Variants in PTPRN2 observed in about 807,000 individuals in gnomAD.
The protein encoded by PTPRN2 is receptor-type tyrosine-protein phosphatase N2.
In PTPRN2, 74 loss-of-function variants were observed where a neutral mutation model predicts 118.8. That is an observed-to-expected ratio of 0.62 (90% CI 0.52 to 0.76). PTPRN2 has a LOEUF of 0.76. PTPRN2 is among the 30% of genes least tolerant of loss of function. The probability of loss-of-function intolerance (pLI) is 0.00; values close to 1 mark genes in which losing one functional copy is unlikely to be tolerated. For missense variants in PTPRN2, 1,481 were observed against 1,394.4 expected (o/e 1.06, Z -0.99); for synonymous variants, 641 against 608.0 (o/e 1.05, Z -0.80).
At chr7:157,890,075 T>A (rs1009623451) in intron 12 of PTPRN2, among the ~76,000 whole-genome samples, 36 of 149,862 alleles carry the variant, frequency 2.4e-4, no homozygotes, top group Non-Finnish European at 4.9e-4. Context: ...TTAAGTCAGT[T>A]TTTTTTTTTT....
chr7:157,908,132 C>T (rs543889598), intron 11 of PTPRN2, among the ~76,000 whole-genome samples: 62 of 152,232 alleles, frequency 4.1e-4, no homozygotes, highest in Non-Finnish European at 2.1e-4. Context: ...TGGCCAGGTG[C>T]GTCCAGCATC....
intron 2 of PTPRN2, among the ~76,000 whole-genome samples, chr7:158,317,748 G>A (rs1390830913): frequency 1.3e-5 from 2 of 152,170 alleles, no homozygotes; most frequent in African/African-American, 4.8e-5. Flanking sequence ...CTCTTTTATT[G>A]TTCACTAGGT....
In PTPRN2 at chr7:158,152,191, A is replaced by AAAAAAAAAT. The variant is rs1554561530; in HGVS notation, c.911-13677_911-13676insATTTTTTTT. 8.3e-5 allele frequency among the ~76,000 whole-genome samples: 12 copies of AAAAAAAAAT among 145,150 alleles called. 1 individual carries two copies. The highest frequency in any genetic ancestry group is 6.9e-5 in the Admixed American group (1 of 14,440). ...TCTGTCTCAAAAAAAAAAAAAAAAA[A>AAAAAAAAAT]CCATGAATGCACAGAATATGTGGTG... On this transcript the variant is annotated intron_variant, in intron 6 of 22. Coordinates refer to ENST00000389418, the MANE Select transcript of PTPRN2 (RefSeq NM_002847.5).
chr7:158,567,702 C>T lies in PTPRN2; in HGVS notation c.112+19856G>A, dbSNP rs138507650. On this transcript the variant is annotated intron_variant, in intron 1 of 22. Transcript: ENST00000389418. ...GGCATCGTGCCGAAAGGGGTAGAGACAGCATGGTCAGGGACTCTGCAAGGG... is the reference window on the plus strand; with the variant it reads ...GGCATCGTGCCGAAAGGGGTAGAGATAGCATGGTCAGGGACTCTGCAAGGG... Among the ~76,000 whole-genome samples, 928 of 152,308 alleles carry T rather than the reference C, an allele frequency of 6.1e-3. 10 individuals carry two copies. Among genetic ancestry groups the T allele is most frequent in the African/African-American group, 0.021 (867 of 41,574 alleles).
At chr7:157,920,759 C>T (rs1206152361) in intron 11 of PTPRN2, among the ~76,000 whole-genome samples, 2 of 152,150 alleles carry the variant, frequency 1.3e-5, no homozygotes, top group Non-Finnish European at 2.9e-5. Context: ...ACCCTATACC[C>T]TCCACAGAAA....
chr7:158,003,413 CAAAAA>C lies in PTPRN2; in HGVS notation c.1723+77880_1723+77884del, dbSNP rs11352464. ...TGGGAGACACAGCGAGACTCCGTCT[CAAAAA>C]AAAAAAAAAAAAAAAATGAGGTCCT... On this transcript the variant is annotated intron_variant, in intron 11 of 22. Coordinates refer to ENST00000389418, the MANE Select transcript of PTPRN2 (RefSeq NM_002847.5). This position sits in a 1 kb window ranked among gnomAD's most constrained non-coding sequence, Gnocchi z 5.0. 1.1e-4 allele frequency among the ~76,000 whole-genome samples: 10 copies of C among 87,394 alleles called. No homozygotes were observed. The highest frequency in any genetic ancestry group is 3.6e-4 in the African/African-American group (8 of 22,270). The allele number at this position is 87,394 out of a possible 152,430, so 57.3% of individuals were successfully genotyped here.
intron 11 of PTPRN2, among the ~76,000 whole-genome samples, chr7:157,938,986 G>T (rs1252323009): frequency 5.3e-5 from 8 of 152,360 alleles, no homozygotes; most frequent in Non-Finnish European, 7.3e-5. Flanking sequence ...CCCCTGCAGT[G>T]CCTTGTGCAT....
At chr7:158,238,463 C>A (rs28639396) in intron 3 of PTPRN2, among the ~76,000 whole-genome samples, 75,882 of 151,894 alleles carry the variant, frequency 0.5, 19,241 homozygotes, top group African/African-American at 0.56. Context: ...CATCAGAAAC[C>A]TTTCTTCCGC....
At chr7:157,812,407 G>GGAGGAGT (rs1554455882) in intron 12 of PTPRN2, among the ~76,000 whole-genome samples, 2,769 of 152,100 alleles carry the variant, frequency 0.018, 89 homozygotes, top group African/African-American at 0.063. Flanking sequence ...GAGGGAGGAG[G>GGAGGAGT]GTGGGAAGAA....
chr7:158,023,264 A>T (rs1357017123), intron 11 of PTPRN2, among the ~76,000 whole-genome samples: 4 of 152,078 alleles, frequency 2.6e-5, no homozygotes, highest in Non-Finnish European at 5.9e-5. Flanking sequence ...AAGCGCTCCC[A>T]GGCCTGTGTC....
At chr7:158,312,696 C>T (rs150634814) in intron 3 of PTPRN2, among the ~76,000 whole-genome samples, 423 of 139,984 alleles carry the variant, frequency 3.0e-3, no homozygotes, top group Non-Finnish European at 4.9e-3. Flanking sequence ...CACACCTGCA[C>T]ACTCATTCAC....
In PTPRN2 at chr7:157,929,943, A is replaced by C. The variant is rs1799263251; in HGVS notation, c.1724-31206T>G. On this transcript the variant is annotated intron_variant, in intron 11 of 22. Coordinates refer to ENST00000389418, the MANE Select transcript of PTPRN2 (RefSeq NM_002847.5). This position sits in a 1 kb window ranked among gnomAD's most constrained non-coding sequence, Gnocchi z 4.4. The stretch of plus-strand genomic sequence containing the variant: ...GCATGAAGCGAATTCAGTCCACATC[A>C]GCGGGTCCAAGCCTGGACCTAGACA... Among the ~76,000 whole-genome samples, 1 of 152,116 alleles carries C rather than the reference A, an allele frequency of 6.6e-6. No individual in the cohort carries two copies. The highest frequency in any genetic ancestry group is 1.5e-5 in the Non-Finnish European group (1 of 68,016).
chr7:158,340,509 T>G, intron 2 of PTPRN2, among the ~76,000 whole-genome samples: 1 of 123,768 alleles, frequency 8.1e-6, no homozygotes, highest in Non-Finnish European at 1.7e-5. Context: ...CAGACGTCAC[T>G]CACACCCACA....
chr7:158,253,872 TGCACGGCG>T (rs879830365), intron 3 of PTPRN2, among the ~76,000 whole-genome samples: 1,929 of 149,976 alleles, frequency 0.013, 208 homozygotes, highest in Admixed American at 0.017. Context: ...TCCCTGTAAC[TGCACGGCG>T]GCACAGAGCC....
chr7:158,248,693 C>A (rs959198438), intron 3 of PTPRN2, among the ~76,000 whole-genome samples: 1 of 145,640 alleles, frequency 6.9e-6, no homozygotes, highest in Non-Finnish European at 1.5e-5. Context: ...ACACCACACA[C>A]GTGCACACAC....
At position 157,794,515 on chromosome 7, in the gene PTPRN2, G is replaced by C. The variant is rs1385468278; in HGVS notation, c.1788+104158C>G. On this transcript the variant is annotated intron_variant, in intron 12 of 22. Coordinates refer to ENST00000389418, the MANE Select transcript of PTPRN2 (RefSeq NM_002847.5). This position sits in a 1 kb window ranked among gnomAD's most constrained non-coding sequence, Gnocchi z 5.2. ...GTATGAAAATAGGCTCTCCCTCTCT[G>C]AGTCAAAGGAGGCAATTATACAATA... Among the ~76,000 whole-genome samples, 1 of 152,216 alleles carries C rather than the reference G, an allele frequency of 6.6e-6. No individual in the cohort carries two copies. Among genetic ancestry groups the C allele is most frequent in the Non-Finnish European group, 1.5e-5 (1 of 68,044 alleles).
intron 3 of PTPRN2, among the ~76,000 whole-genome samples, chr7:158,216,468 G>A (rs537150151): frequency 6.6e-6 from 1 of 151,568 alleles, no homozygotes; most frequent in Non-Finnish European, 1.5e-5. Context: ...ACTATATGAA[G>A]CTCACTTTGA....
At chr7:158,179,712 G>T (rs1824526502) in intron 5 of PTPRN2, among the ~76,000 whole-genome samples, 1 of 152,182 alleles carries the variant, frequency 6.6e-6, no homozygotes, top group African/African-American at 2.4e-5. Flanking sequence ...CAGAGGCCGG[G>T]CTGGGTTACT....
intron 2 of PTPRN2, among the ~76,000 whole-genome samples, chr7:158,451,185 G>A (rs1039840218): frequency 6.6e-5 from 10 of 152,044 alleles, no homozygotes; most frequent in African/African-American, 1.9e-4. Flanking sequence ...TGTTTCCTTC[G>A]TTGCCTTGTT....
Sources: gnomAD v4.1 joint callset for allele counts (sites outside exome capture counted in the v4.1 genomes callset) on GRCh38, gnomAD v4.1.1 for gene constraint, Gnocchi (gnomAD v3.1) non-coding constraint, MANE v1.5 for transcripts, NCBI Gene and HGNC (gene_info 2026-07-23, HGNC 2026-07-21) for gene names.